USP20: variants seen among roughly 807,000 people sequenced by gnomAD.
USP20 encodes ubiquitin specific peptidase 20.
In USP20, 80 loss-of-function variants were observed where a neutral mutation model predicts 124.2. The ratio of observed to expected loss-of-function variants is 0.64; its 90% CI spans 0.54 to 0.78. USP20 has a LOEUF of 0.78. Among genes scored for constraint, USP20 ranks in the 30% least tolerant of loss-of-function variants. USP20 has a pLI of 0.00. For missense variants in USP20, 1,043 were observed against 1,244.4 expected, an observed-to-expected ratio of 0.84 and a Z score of 2.44; for synonymous variants, 481 against 512.3, an observed-to-expected ratio of 0.94 and a Z score of 0.83.
chr9:129,869,433 C>G lies in USP20; in HGVS notation c.1392+8C>G. ...TGTCTCACCTGTGACCGGGTGGGTG[C>G]CCCAGGGATGGGGGGAGCTGGGCCA... On this transcript the variant is annotated splice_region_variant and intron_variant, in intron 13 of 25. Coordinates refer to ENST00000372429, the MANE Select transcript of USP20 (RefSeq NM_001110303.4). The G allele has an allele frequency of 6.2e-7, 1 of 1,611,832 alleles. No individual in the cohort carries two copies. Among genetic ancestry groups the G allele is most frequent in the Non-Finnish European group, 8.5e-7 (1 of 1,178,508 alleles).
chr9:129,857,253 G>A (rs775103483), intron 4 of USP20, among the ~76,000 whole-genome samples: 1 of 152,196 alleles, frequency 6.6e-6, no homozygotes, highest in African/African-American at 2.4e-5. Flanking sequence ...TATCTCCTGG[G>A]CTGTTACAAG....
At chr9:129,837,768 G>A (rs2131025105) in intron 1 of USP20, among the ~76,000 whole-genome samples, 1 of 152,312 alleles carries the variant, frequency 6.6e-6, no homozygotes, top group South Asian at 2.1e-4. Flanking sequence ...GGATTTGGTT[G>A]GAAACATGAC....
chr9:129,838,384 G>T (rs1206642981), intron 1 of USP20, among the ~76,000 whole-genome samples: 1 of 152,122 alleles, frequency 6.6e-6, no homozygotes, highest in African/African-American at 2.4e-5. Context: ...GTGCTCTTTG[G>T]CTCCAGTGAG....
At chr9:129,880,434 C>T (rs755865775) in intron 25 of USP20, 33 bp from the exon 26 acceptor site, 22 of 972,826 alleles carry the variant, frequency 2.3e-5, no homozygotes, top group Admixed American at 5.4e-5. Flanking sequence ...GGACATGGCC[C>T]GGCCCCACTG....
chr9:129,842,079 A>G (rs1455817075), intron 1 of USP20, among the ~76,000 whole-genome samples: 8 of 152,332 alleles, frequency 5.3e-5, no homozygotes, highest in Admixed American at 3.9e-4. Context: ...CAGAAAGTCC[A>G]TGAGGCCCTA....
At chr9:129,870,211 G>A (rs2034048053) in intron 14 of USP20, 2 of 577,340 alleles carry the variant, frequency 3.5e-6, no homozygotes, top group South Asian at 4.2e-5. Flanking sequence ...GGAGGGGGTA[G>A]CATGATCATG....
At position 129,874,665 on chromosome 9, in the gene USP20, C is replaced by A; in HGVS notation, c.1830C>A (p.Leu610=). Residue 610 remains leucine (L), a synonymous_variant, in exon 18 of 26, where the codon CTC becomes CTA. Transcript: ENST00000372429. ...ACGTCTCCTTCCCCCTCGAGGGGCT[C>A]GACCTGCGCCCCTTCCTTGCCAAGG... ...NSHVSFPLEG[L]DLRPFLAKEC... is the part of the protein sequence containing the mutation. 6.2e-7 allele frequency: 1 copy of A among 1,613,958 alleles called. No homozygotes were observed. The highest frequency in any genetic ancestry group is 8.5e-7 in the Non-Finnish European group (1 of 1,180,020).
intron 23 of USP20, 26 bp downstream of exon 23, chr9:129,878,466 T>G: frequency 6.4e-7 from 1 of 1,564,626 alleles, no homozygotes; most frequent in South Asian, 1.2e-5. Flanking sequence ...ACCTGGCACT[T>G]ACCTGCCCTG....
At position 129,865,007 on chromosome 9, in the gene USP20, CAGTA is replaced by C. The variant is rs1482480545; in HGVS notation, c.612-292_612-289del. ...TCTTACTTTTGAAATGAGAAAACCA[CAGTA>C]AGTGTTTCAGAATGAAAACAAATCA... On this transcript the variant is annotated intron_variant, in intron 9 of 25. Coordinates refer to ENST00000372429, the MANE Select transcript of USP20 (RefSeq NM_001110303.4). 2.6e-5 allele frequency among the ~76,000 whole-genome samples: 4 copies of C among 152,150 alleles called. No individual in the cohort carries two copies. The East Asian group carries it at 5.8e-4, about 22-fold the overall frequency.
intron 1 of USP20, among the ~76,000 whole-genome samples, chr9:129,837,920 T>C (rs973228245): frequency 1.3e-5 from 2 of 152,186 alleles, no homozygotes; most frequent in African/African-American, 4.8e-5. Context: ...TTGTGGGGTA[T>C]TTAACAGTGA....
rs1433007317 is a variant in USP20, at chr9:129,843,168, A to G, written c.-128-6645A>G. 2.0e-5 allele frequency among the ~76,000 whole-genome samples: 3 copies of G among 149,612 alleles called. No homozygotes were observed. The East Asian group carries it at 5.9e-4, about 29-fold the overall frequency. On this transcript the variant is annotated intron_variant, in intron 1 of 25. Coordinates refer to ENST00000372429, the MANE Select transcript of USP20 (RefSeq NM_001110303.4). ...ATGTAGGCCGGGCATGGTGGCGTAC[A>G]CCTGTACTCCCAGCACTTTGGGAGG...
chr9:129,876,139 T>C lies in USP20; in HGVS notation c.2310T>C (p.Gly770=), dbSNP rs769020035. Residue 770 remains glycine (G), a synonymous_variant, in exon 22 of 26, where the codon GGT becomes GGC. Coordinates refer to ENST00000372429, the MANE Select transcript of USP20 (RefSeq NM_001110303.4). The part of the protein sequence containing the change: ...VWEHLYNRFG[G]GPAVNHLYVC... ...CCCACCCTGGGCACAGATTCGGGGGTGGCCCCGCCGTGAACCACCTGTACG... is the reference window on the plus strand; with the variant it reads ...CCCACCCTGGGCACAGATTCGGGGGCGGCCCCGCCGTGAACCACCTGTACG... 5.6e-6 allele frequency: 9 copies of C among 1,612,410 alleles called. No individual in the cohort carries two copies. The highest frequency in any genetic ancestry group is 7.6e-6 in the Non-Finnish European group (9 of 1,179,498).
chr9:129,839,405 CTG>C lies in USP20; in HGVS notation c.-129+3909_-129+3910del, dbSNP rs1245307412. Among the ~76,000 whole-genome samples, 2 of 152,092 alleles carry C rather than the reference CTG, an allele frequency of 1.3e-5. No individual in the cohort carries two copies. The highest frequency in any genetic ancestry group is 2.4e-5 in the African/African-American group (1 of 41,404). ...CACAGAAGTGTGTGGGCAGCAGAGA[CTG>C]TGGAAGTGTGGAGGCATGGGGAGGC... is the stretch of plus-strand genomic sequence containing the variant. On this transcript the variant is annotated intron_variant, in intron 1 of 25. Transcript: ENST00000372429. The surrounding 1 kb of genome is among the most constrained non-coding windows in gnomAD (Gnocchi z 4.5).
Position 129,879,256 on chromosome 9 carries a change from G to A in USP20, c.2513-317G>A, listed in dbSNP as rs572040420. 3.1e-5 allele frequency: 11 copies of A among 355,428 alleles called. No individual in the cohort carries two copies. In the South Asian group the frequency reaches 5.1e-4, roughly 16 times the overall value. 22.0% of individuals were successfully genotyped at this position (355,428 alleles called of 1,614,324 possible). ...ACCTCTGTCTTGTCCTGTGGTTGCC[G>A]AGGCTAAATGAGATAGCTGGGCAGA... On this transcript the variant is annotated intron_variant, in intron 23 of 25. Transcript: ENST00000372429. This position sits in a 1 kb window ranked among gnomAD's most constrained non-coding sequence, Gnocchi z 4.2.
At chr9:129,851,691 G>T (rs1432015208) in intron 2 of USP20, among the ~76,000 whole-genome samples, 1 of 152,186 alleles carries the variant, frequency 6.6e-6, no homozygotes, top group Non-Finnish European at 1.5e-5. Context: ...AAACGCAGGA[G>T]AATGTTGGGA....
intron 1 of USP20, among the ~76,000 whole-genome samples, chr9:129,846,048 C>T (rs1447449454): frequency 6.6e-6 from 1 of 151,672 alleles, no homozygotes; most frequent in Non-Finnish European, 1.5e-5. Context: ...CCTCAGCCTC[C>T]CGAGTAGCTG....
chr9:129,836,081 T>C (rs2031812592), intron 1 of USP20, among the ~76,000 whole-genome samples: 1 of 152,204 alleles, frequency 6.6e-6, no homozygotes, highest in Non-Finnish European at 1.5e-5. Flanking sequence ...GTTTTCCTCC[T>C]TCGGCAGGTC....
In USP20 at chr9:129,879,670, G is replaced by C. The variant is rs376680643; in HGVS notation, c.2584+26G>C. ...GTGAGTTCCCCCTGGGGTCAGCCAG[G>C]CTCCTCTCTGCCCTTCCTGGCTGCC... On this transcript the variant is annotated intron_variant, in intron 24 of 25. Transcript: ENST00000372429. This position sits in a 1 kb window ranked among gnomAD's most constrained non-coding sequence, Gnocchi z 4.2. The C allele has an allele frequency of 3.0e-5, 48 of 1,613,106 alleles. No individual in the cohort carries two copies. In the African/African-American group the frequency reaches 6.0e-4, roughly 20 times the overall value.
rs756549098 is a variant in USP20, at chr9:129,875,573, C to T, written c.2232C>T (p.His744=). ...CCTTCTTCCCAGGCATCCCGCCCCA[C>T]AAATACCACTACATCGACGACCTGG... ...FLCSHGGIPP[H]KYHYIDDLVV... The change falls in exon 21 of 26, where the codon CAC becomes CAT. Residue 744 remains histidine (H), a synonymous_variant. Coordinates refer to ENST00000372429, the MANE Select transcript of USP20 (RefSeq NM_001110303.4). 33 of 1,614,144 alleles carry T rather than the reference C, an allele frequency of 2.0e-5. No homozygotes were observed. The highest frequency in any genetic ancestry group is 2.7e-5 in the Non-Finnish European group (32 of 1,180,010).
Sources: allele counts gnomAD v4.1 joint callset (sites outside exome capture counted in the v4.1 genomes callset), GRCh38; gene constraint gnomAD v4.1.1; non-coding constraint Gnocchi (gnomAD v3.1); transcripts MANE v1.5; gene names NCBI Gene and HGNC (gene_info 2026-07-23, HGNC 2026-07-21).